Variants in CCDC149 observed in about 807,000 individuals in gnomAD.
CCDC149 encodes coiled-coil domain-containing protein 149.
In CCDC149, 45 loss-of-function variants were observed where a neutral mutation model predicts 59.9. The ratio of observed to expected loss-of-function variants is 0.75; its 90% CI spans 0.59 to 0.96. The LOEUF is 0.96. CCDC149 is among the 40% of genes least tolerant of loss of function. The probability of loss-of-function intolerance (pLI) is 0.00; values close to 1 mark genes in which losing one functional copy is unlikely to be tolerated. For synonymous variants in CCDC149, 245 were observed against 260.6 expected (o/e 0.94, Z 0.58); for missense variants, 584 against 664.7 (o/e 0.88, Z 1.33).
intron 1 of CCDC149, among the ~76,000 whole-genome samples, chr4:24,897,727 C>T (rs771888836): frequency 6.6e-6 from 1 of 152,244 alleles, no homozygotes; most frequent in African/African-American, 2.4e-5. Flanking sequence ...AGGGGCAGAA[C>T]AATTTGGGCA....
intron 3 of CCDC149, among the ~76,000 whole-genome samples, chr4:24,853,654 A>G (rs1325300114): frequency 6.6e-6 from 1 of 151,894 alleles, no homozygotes; most frequent in Non-Finnish European, 1.5e-5. Context: ...AAGGACATAG[A>G]GTTCAATTGT....
chr4:24,948,911 C>T (rs544269463), intron 1 of CCDC149, among the ~76,000 whole-genome samples: 1 of 152,334 alleles, frequency 6.6e-6, no homozygotes, highest in East Asian at 1.9e-4. Flanking sequence ...CAAACTCTCT[C>T]TTTGCCATCC....
At chr4:24,975,811 A>G (rs1445082739) in intron 1 of CCDC149, among the ~76,000 whole-genome samples, 1 of 151,740 alleles carries the variant, frequency 6.6e-6, no homozygotes, top group African/African-American at 2.4e-5. Flanking sequence ...CCAATCCCGC[A>G]TCTGTCTTTG....
intron 3 of CCDC149, among the ~76,000 whole-genome samples, chr4:24,872,358 C>G (rs753789534): frequency 6.6e-6 from 1 of 152,208 alleles, no homozygotes; most frequent in Non-Finnish European, 1.5e-5. Flanking sequence ...ACAGTATGCA[C>G]CCACAGAATG....
intron 1 of CCDC149, among the ~76,000 whole-genome samples, chr4:24,877,021 G>A (rs1719484576): frequency 6.6e-6 from 1 of 152,062 alleles, no homozygotes; most frequent in Non-Finnish European, 1.5e-5. Flanking sequence ...ATAAGATTAT[G>A]TAAAATTTTA....
At chr4:24,942,178 C>T (rs1385686610) in intron 1 of CCDC149, among the ~76,000 whole-genome samples, 2 of 151,966 alleles carry the variant, frequency 1.3e-5, no homozygotes, top group Non-Finnish European at 2.9e-5. Context: ...TCCAGCAACA[C>T]ATCAAAAAGC....
chr4:24,853,675 C>T lies in CCDC149; in HGVS notation c.265-496G>A, dbSNP rs150879195. Among the ~76,000 whole-genome samples, 54 of 151,658 alleles carry T rather than the reference C, an allele frequency of 3.6e-4. No homozygotes were observed. The East Asian group carries it at 9.9e-3, about 28-fold the overall frequency. Reference sequence around the variant, plus strand: ...ATAGAGTTCAATTGTAAAATTTGGGCCAGGCCAACAACATAGAAAAAGTTT... The same window carrying T: ...ATAGAGTTCAATTGTAAAATTTGGGTCAGGCCAACAACATAGAAAAAGTTT... On this transcript the variant is annotated intron_variant, in intron 3 of 12. Coordinates refer to ENST00000635206, the MANE Select transcript of CCDC149 (RefSeq NM_001330643.2).
At position 24,836,562 on chromosome 4, in the gene CCDC149, A is replaced by G. The variant is rs1427806181; in HGVS notation, c.663-54T>C. On this transcript the variant is annotated intron_variant, in intron 6 of 12. Transcript: ENST00000635206. ...TGTTTAAGGGCTAAATAAAAAACAC[A>G]CACTGAAGTATAAGGGGAAAAAACA... The G allele has an allele frequency of 3.3e-6, 4 of 1,221,652 alleles. No homozygotes were observed. In the African/African-American group the frequency reaches 6.0e-5, roughly 18 times the overall value. The allele number at this position is 1,221,652 out of a possible 1,614,324, so 75.7% of individuals were successfully genotyped here.
intron 1 of CCDC149, among the ~76,000 whole-genome samples, chr4:24,967,650 A>G (rs894813406): frequency 2.0e-5 from 3 of 150,450 alleles, no homozygotes; most frequent in Non-Finnish European, 4.4e-5. Context: ...ACCATATGTC[A>G]TGATCTAGTT....
intron 4 of CCDC149, among the ~76,000 whole-genome samples, chr4:24,849,164 C>G (rs1717501484): frequency 6.6e-6 from 1 of 152,028 alleles, no homozygotes; most frequent in Non-Finnish European, 1.5e-5. Context: ...TGCGGCAGAC[C>G]AAGGGGAGCT....
chr4:24,831,265 G>C (rs1301262145), intron 9 of CCDC149: 2 of 475,118 alleles, frequency 4.2e-6, no homozygotes, highest in East Asian at 8.0e-5. Context: ...ATACTACTCA[G>C]TGTGTAGCTC....
At chr4:24,959,251 G>A (rs946837772) in intron 1 of CCDC149, among the ~76,000 whole-genome samples, 1 of 152,160 alleles carries the variant, frequency 6.6e-6, no homozygotes, top group African/African-American at 2.4e-5. Flanking sequence ...TGGGATTACA[G>A]GCGTGAGCCA....
At chr4:24,931,239 G>T in intron 1 of CCDC149, among the ~76,000 whole-genome samples, 1 of 145,936 alleles carries the variant, frequency 6.9e-6, no homozygotes, top group Non-Finnish European at 1.5e-5. Flanking sequence ...TAAAATATTT[G>T]TATATATTGT....
At chr4:24,855,136 A>C (rs1717919969) in intron 3 of CCDC149, among the ~76,000 whole-genome samples, 1 of 152,182 alleles carries the variant, frequency 6.6e-6, no homozygotes, top group African/African-American at 2.4e-5. Flanking sequence ...CACCTAGTAG[A>C]TGCTCCATAA....
At chr4:24,882,848 CA>C (rs1305505604) in intron 1 of CCDC149, among the ~76,000 whole-genome samples, 3 of 152,216 alleles carry the variant, frequency 2.0e-5, no homozygotes, top group Admixed American at 6.5e-5. Context: ...CAAATCTCTA[CA>C]GTCTCGATGA....
At chr4:24,871,719 C>G (rs1719052377) in intron 3 of CCDC149, among the ~76,000 whole-genome samples, 1 of 152,212 alleles carries the variant, frequency 6.6e-6, no homozygotes, top group Non-Finnish European at 1.5e-5. Flanking sequence ...ACCACACTCT[C>G]AATCCTAAAG....
intron 1 of CCDC149, among the ~76,000 whole-genome samples, chr4:24,960,823 C>G (rs1723615506): frequency 6.6e-6 from 1 of 152,176 alleles, no homozygotes; most frequent in Non-Finnish European, 1.5e-5. Flanking sequence ...TATCAACACT[C>G]TTCACTCAGT....
intron 4 of CCDC149, among the ~76,000 whole-genome samples, chr4:24,843,080 A>G (rs1717040778): frequency 6.6e-6 from 1 of 152,322 alleles, no homozygotes; most frequent in East Asian, 1.9e-4. Context: ...CAGGCTGTGC[A>G]CTGCACAATT....
At chr4:24,913,341 A>G (rs1027525430), upstream of CCDC149, among the ~76,000 whole-genome samples, 5 of 152,182 alleles carry the variant, frequency 3.3e-5, no homozygotes, top group African/African-American at 1.2e-4. Flanking sequence ...CTAGAATGCA[A>G]GCTCCCCGAG....
Sources: gnomAD v4.1 joint callset for allele counts (sites outside exome capture counted in the v4.1 genomes callset) on GRCh38, gnomAD v4.1.1 for gene constraint, MANE v1.5 for transcripts, NCBI Gene and HGNC (gene_info 2026-07-23, HGNC 2026-07-21) for gene names.